Variants in SLC3A2 observed in about 807,000 individuals in gnomAD.
SLC3A2 encodes the protein solute carrier family 3 member 2, also known as amino acid transporter heavy chain SLC3A2.
In SLC3A2, 32 loss-of-function variants were observed where a neutral mutation model predicts 48.5. The ratio of observed to expected loss-of-function variants is 0.66; its 90% confidence interval spans 0.50 to 0.89. SLC3A2 has a LOEUF of 0.89. SLC3A2 is among the 40% of genes least tolerant of loss of function. The pLI, the probability that SLC3A2 is intolerant of heterozygous loss-of-function variation, is 0.00. For missense variants in SLC3A2, 587 were observed against 680.7 expected (o/e 0.86, Z 1.53); for synonymous variants, 277 against 288.8 (o/e 0.96, Z 0.41).
Position 62,885,263 on chromosome 11 carries a change from C to T in SLC3A2, c.905C>T (p.Ser302Leu), listed in dbSNP as rs1451150149. The change falls in exon 6 of 9, where the codon TCA becomes TTA. Residue 302 changes from serine (S) to leucine (L), a missense_variant. By Grantham distance (145) the Ser-to-Leu change is moderately radical (BLOSUM62 -2). Transcript: ENST00000338663. ...AACAAAGACTTGCTGTTGACTAGCT[C>T]ATACCTGTCTGATTCTGGTTCTACT... ...ESNKDLLLTS[S>L]YLSDSGSTGE... is the part of the protein sequence containing the mutation. The T allele has an allele frequency of 1.9e-6, 3 of 1,614,092 alleles. No individual in the cohort carries two copies. The highest frequency in any genetic ancestry group is 2.5e-6 in the Non-Finnish European group (3 of 1,180,044).
chr11:62,877,463 A>G (rs1223117931), upstream of SLC3A2, among the ~76,000 whole-genome samples: 1 of 152,260 alleles, frequency 6.6e-6, no homozygotes, highest in East Asian at 1.9e-4. Flanking sequence ...GCCTCCGAAT[A>G]GGCAGGTTCG....
chr11:62,879,367 A>T (rs925154682), upstream of SLC3A2, among the ~76,000 whole-genome samples: 1 of 152,192 alleles, frequency 6.6e-6, no homozygotes, highest in Non-Finnish European at 1.5e-5. Flanking sequence ...TTGGCCTCCT[A>T]AAGGGCTAGG....
Position 62,885,374 on chromosome 11 carries a change from T to A in SLC3A2, c.999+17T>A. ...AGCTGGAGTGTGAGTACCATGCTGG[T>A]GGGAAAGGGGGCAGATGGGAGAAGA... On this transcript the variant is annotated intron_variant, in intron 6 of 8. Transcript: ENST00000338663. 6.2e-7 allele frequency: 1 copy of A among 1,613,892 alleles called. No homozygotes were observed. The highest frequency in any genetic ancestry group is 8.5e-7 in the Non-Finnish European group (1 of 1,179,934).
chr11:62,873,610 G>C (rs1436010733), intron 1 of SLC3A2, among the ~76,000 whole-genome samples: 2 of 151,946 alleles, frequency 1.3e-5, no homozygotes, highest in African/African-American at 4.8e-5. Flanking sequence ...TACTAGGTGT[G>C]AGCCACCACA....
intron 1 of SLC3A2, among the ~76,000 whole-genome samples, chr11:62,860,198 C>A (rs1029685908): frequency 1.3e-5 from 2 of 152,060 alleles, no homozygotes; most frequent in African/African-American, 4.8e-5. Flanking sequence ...ACAAACATCT[C>A]AGCGCAGTAA....
chr11:62,860,783 C>T (rs1222214694), intron 1 of SLC3A2, among the ~76,000 whole-genome samples: 1 of 152,208 alleles, frequency 6.6e-6, no homozygotes, highest in Non-Finnish European at 1.5e-5. Context: ...TCCCTGCGGC[C>T]TTCCGCAGTG....
Position 62,883,017 on chromosome 11 carries a change from T to A in SLC3A2, c.690+18T>A. On this transcript the variant is annotated intron_variant, in intron 3 of 8. Coordinates refer to ENST00000338663, the MANE Select transcript of SLC3A2 (RefSeq NM_001013251.3). Reference sequence around the variant, plus strand: ...AGGTGAAGGTGAGTGTTGGAGCTGATGGCTGGTGGAAGTCAGATGCTGGGG... The same window carrying A: ...AGGTGAAGGTGAGTGTTGGAGCTGAAGGCTGGTGGAAGTCAGATGCTGGGG... 1 of 1,610,934 alleles carries A rather than the reference T, an allele frequency of 6.2e-7. No homozygotes were observed. Among genetic ancestry groups the A allele is most frequent in the Non-Finnish European group, 8.5e-7 (1 of 1,177,024 alleles).
chr11:62,882,451 C>T, intron 2 of SLC3A2: 1 of 245,418 alleles, frequency 4.1e-6, no homozygotes, highest in Non-Finnish European at 8.0e-6. Context: ...ACACAGGGGC[C>T]ACTTCTCTGC....
Position 62,884,701 on chromosome 11 carries a change from G to A in SLC3A2, c.818+11G>A. On this transcript the variant is annotated intron_variant, in intron 5 of 8. Transcript: ENST00000338663. ...CTTCAGTGAAGACAGGTGGGTGCAG[G>A]AGCCATTCTGCTGACTCAGCTCCAA... The A allele has an allele frequency of 6.3e-7, 1 of 1,583,836 alleles. No homozygotes were observed. The highest frequency in any genetic ancestry group is 8.6e-7 in the Non-Finnish European group (1 of 1,162,530).
Position 62,881,448 on chromosome 11 carries a change from G to T in SLC3A2, c.424+1G>T. The stretch of plus-strand genomic sequence containing the variant: ...GGCCACGGCGCGGGCAACCTGGCGG[G>T]TGAGTGCAGCGCGCCCCCGTCCCGG... On this transcript the variant is annotated splice_donor_variant, in intron 1 of 8. Coordinates refer to ENST00000338663, the MANE Select transcript of SLC3A2 (RefSeq NM_001013251.3). LOFTEE classifies it high-confidence loss of function. The surrounding 1 kb of genome is among the most constrained non-coding windows in gnomAD (Gnocchi z 4.0). 6.3e-7 allele frequency: 1 copy of T among 1,579,618 alleles called. No homozygotes were observed. The highest frequency in any genetic ancestry group is 8.5e-7 in the Non-Finnish European group (1 of 1,171,042).
At chr11:62,870,242 C>T (rs150348143) in intron 1 of SLC3A2, among the ~76,000 whole-genome samples, 82 of 151,658 alleles carry the variant, frequency 5.4e-4, no homozygotes, top group African/African-American at 1.5e-3. Context: ...AGTGCAGTGG[C>T]GTGATCTCGG....
In SLC3A2 at chr11:62,881,803, G is replaced by C. The variant is rs1050995660; in HGVS notation, c.425-90G>C. The C allele has an allele frequency of 6.9e-7, 1 of 1,445,050 alleles. No homozygotes were observed. Among genetic ancestry groups the C allele is most frequent in the Non-Finnish European group, 9.5e-7 (1 of 1,055,446 alleles). 89.5% of individuals were successfully genotyped at this position (1,445,050 alleles called of 1,614,324 possible). A position where few individuals can be genotyped will look rare whatever the true frequency, so the allele number is the denominator to read the frequency against. On this transcript the variant is annotated intron_variant, in intron 1 of 8. Transcript: ENST00000338663. This position sits in a 1 kb window ranked among gnomAD's most constrained non-coding sequence, Gnocchi z 4.0. Reference sequence around the variant, plus strand: ...CTCTCTCCCCCTTTGCCCCCTCCCCGTCCCACCCTTAGGCGCTGGGAGAAG... The same window carrying C: ...CTCTCTCCCCCTTTGCCCCCTCCCCCTCCCACCCTTAGGCGCTGGGAGAAG...
intron 1 of SLC3A2, among the ~76,000 whole-genome samples, chr11:62,868,758 A>T (rs1205001360): frequency 6.6e-6 from 1 of 152,180 alleles, no homozygotes; most frequent in African/African-American, 2.4e-5. Context: ...TATCCTCCTA[A>T]TCACTTGGTT....
chr11:62,877,105 G>T (rs1181471631), upstream of SLC3A2, among the ~76,000 whole-genome samples: 1 of 145,342 alleles, frequency 6.9e-6, no homozygotes, highest in Non-Finnish European at 1.5e-5. Context: ...GTGTTGTCCA[G>T]GTTGCAGTAC....
rs911612444 is a variant in SLC3A2, at chr11:62,884,451, C to G, written c.691-6C>G. The G allele has an allele frequency of 5.0e-6, 8 of 1,614,008 alleles. No homozygotes were observed. The highest frequency in any genetic ancestry group is 5.1e-6 in the Non-Finnish European group (6 of 1,180,010). ...TGTCTGTCCTTTATTCTTCTGCCCC[C>G]TATAGGATGCTCTGGAGTTTTGGCT... On this transcript the variant is annotated splice_polypyrimidine_tract_variant and splice_region_variant and intron_variant, in intron 3 of 8. Transcript: ENST00000338663.
intron 1 of SLC3A2, chr11:62,870,912 C>T (rs376074744): frequency 1.7e-5 from 3 of 175,068 alleles, no homozygotes; most frequent in African/African-American, 7.4e-5. Flanking sequence ...GAGTCTTGCT[C>T]TGTTGCCCAG....
upstream of SLC3A2, chr11:62,876,955 C>G: frequency 1.0e-6 from 1 of 990,442 alleles, no homozygotes; most frequent in East Asian, 1.1e-4. Context: ...CCTGCAGCAA[C>G]AGGTTTATCT....
At chr11:62,878,791 T>G (rs1315204074), upstream of SLC3A2, among the ~76,000 whole-genome samples, 1 of 149,756 alleles carries the variant, frequency 6.7e-6, no homozygotes. Flanking sequence ...TTTTTCTTTT[T>G]TGAGACAGAG....
chr11:62,869,098 C>T (rs1295628805), intron 1 of SLC3A2, among the ~76,000 whole-genome samples: 1 of 151,624 alleles, frequency 6.6e-6, no homozygotes, highest in Non-Finnish European at 1.5e-5. Context: ...AGGGTTTCAC[C>T]ATGTTGGCCA....
Sources: gnomAD v4.1 joint callset for allele counts (sites outside exome capture counted in the v4.1 genomes callset) on GRCh38, gnomAD v4.1.1 for gene constraint, Gnocchi (gnomAD v3.1) non-coding constraint, MANE v1.5 for transcripts, NCBI Gene and HGNC (gene_info 2026-07-23, HGNC 2026-07-21) for gene names.